The following SOCS5 variants were observed in gnomAD, a reference collection of about 807,000 sequenced individuals.
The protein encoded by SOCS5 is CIS-6.
SOCS5 carries 32 observed loss-of-function variants against 42.8 expected under a neutral mutation model. The ratio of observed to expected loss-of-function variants is 0.75; its 90% CI spans 0.56 to 1.01. The LOEUF is 1.01. SOCS5 is among the 50% of genes least tolerant of loss of function. SOCS5 has a pLI of 0.00. For synonymous variants in SOCS5, 283 were observed against 229.6 expected (o/e 1.23, Z -2.10); for missense variants, 627 against 653.0 (o/e 0.96, Z 0.43).
chr2:46,753,068 C>A (rs943189489), intron 1 of SOCS5, among the ~76,000 whole-genome samples: 13 of 152,184 alleles, frequency 8.5e-5, no homozygotes, highest in Non-Finnish European at 5.9e-5. Flanking sequence ...ATGAGGCTTA[C>A]CTCTCCAACT....
intron 1 of SOCS5, among the ~76,000 whole-genome samples, chr2:46,741,578 A>G (rs1005772175): frequency 2.6e-5 from 4 of 152,186 alleles, no homozygotes; most frequent in African/African-American, 9.7e-5. Flanking sequence ...CTATCCAGAA[A>G]TAACCACAGT....
At chr2:46,707,768 G>A (rs1401864946) in intron 1 of SOCS5, among the ~76,000 whole-genome samples, 1 of 152,158 alleles carries the variant, frequency 6.6e-6, no homozygotes. Context: ...AAATACAAAT[G>A]CTCCTCGACT....
intron 1 of SOCS5, among the ~76,000 whole-genome samples, chr2:46,718,738 G>C (rs1672809544): frequency 6.6e-6 from 1 of 152,142 alleles, no homozygotes. Context: ...TAAGAAATAA[G>C]ATTACAGAAA....
At chr2:46,757,545 C>A (rs1333969769) in intron 1 of SOCS5, among the ~76,000 whole-genome samples, 1 of 152,122 alleles carries the variant, frequency 6.6e-6, no homozygotes, top group Admixed American at 6.5e-5. Context: ...CCCAACTCTT[C>A]CAGGATTAAA....
intron 1 of SOCS5, among the ~76,000 whole-genome samples, chr2:46,743,303 G>A (rs1227369074): frequency 6.6e-6 from 1 of 152,128 alleles, no homozygotes; most frequent in Non-Finnish European, 1.5e-5. Context: ...TAAAAGAATG[G>A]CTCTTCCATA....
chr2:46,709,380 T>G (rs1672564802), intron 1 of SOCS5, among the ~76,000 whole-genome samples: 1 of 152,186 alleles, frequency 6.6e-6, no homozygotes, highest in Non-Finnish European at 1.5e-5. Flanking sequence ...GTGTCCAATT[T>G]CAGTAAAATA....
chr2:46,713,731 T>G (rs1223724094), intron 1 of SOCS5, among the ~76,000 whole-genome samples: 2 of 152,204 alleles, frequency 1.3e-5, no homozygotes, highest in Non-Finnish European at 2.9e-5. Context: ...TAGTTTTAAG[T>G]GAAAGCTTAG....
At chr2:46,715,775 T>C (rs556683562) in intron 1 of SOCS5, among the ~76,000 whole-genome samples, 1 of 152,326 alleles carries the variant, frequency 6.6e-6, no homozygotes, top group Non-Finnish European at 1.5e-5. Flanking sequence ...TGTTGAGCCT[T>C]TGTGTGGCTT....
At chr2:46,732,268 C>G (rs139658694) in intron 1 of SOCS5, among the ~76,000 whole-genome samples, 1 of 152,148 alleles carries the variant, frequency 6.6e-6, no homozygotes, top group Non-Finnish European at 1.5e-5. Context: ...ATTCCGAGAG[C>G]ACACCACTGG....
chr2:46,715,288 CTTG>C, intron 1 of SOCS5, among the ~76,000 whole-genome samples: 1 of 151,140 alleles, frequency 6.6e-6, no homozygotes, highest in Non-Finnish European at 1.5e-5. Context: ...GGAGGTATTG[CTTG>C]AGCCTGGGCT....
chr2:46,707,785 G>C (rs1269569905), intron 1 of SOCS5, among the ~76,000 whole-genome samples: 1 of 152,120 alleles, frequency 6.6e-6, no homozygotes, highest in Non-Finnish European at 1.5e-5. Context: ...GACTTACAAT[G>C]GGGTTAGTCC....
rs1558415534 is a variant in SOCS5, at chr2:46,759,955, A to G, written c.1425A>G (p.Ser475=). 1.9e-6 allele frequency: 3 copies of G among 1,614,058 alleles called. No homozygotes were observed. Among genetic ancestry groups the G allele is most frequent in the Non-Finnish European group, 2.5e-6 (3 of 1,179,994 alleles). The change falls in exon 2 of 2, where the codon TCA becomes TCG. Residue 475 remains serine (S), a synonymous_variant. Transcript: ENST00000394861. ...CMFFEPLLTI[S]LNRTFPFSLQ... ...TTTTTGAACCATTGCTTACTATATC[A>G]CTAAATAGGACTTTCCCTTTTAGCC... is the stretch of plus-strand genomic sequence containing the variant.
chr2:46,735,060 G>A (rs972323038), intron 1 of SOCS5, among the ~76,000 whole-genome samples: 2 of 152,136 alleles, frequency 1.3e-5, no homozygotes, highest in African/African-American at 2.4e-5. Context: ...CCTTTTCTGC[G>A]AAGCCTTTCC....
At chr2:46,711,423 ATCCTTAGTGATATG>A (rs1461544447) in intron 1 of SOCS5, among the ~76,000 whole-genome samples, 1 of 152,202 alleles carries the variant, frequency 6.6e-6, no homozygotes, top group Non-Finnish European at 1.5e-5. Flanking sequence ...TTTGCATATC[ATCCTTAGTGATATG>A]TCTGTTCAAG....
At chr2:46,739,160 C>G (rs990630565) in intron 1 of SOCS5, among the ~76,000 whole-genome samples, 3 of 152,046 alleles carry the variant, frequency 2.0e-5, no homozygotes, top group Non-Finnish European at 4.4e-5. Flanking sequence ...CAGAATGGCT[C>G]TTTTTGTTAA....
intron 1 of SOCS5, among the ~76,000 whole-genome samples, chr2:46,702,183 A>G (rs1672360390): frequency 6.6e-6 from 1 of 152,038 alleles, no homozygotes; most frequent in Non-Finnish European, 1.5e-5. Flanking sequence ...AATATTAGAC[A>G]TTATTCTCTG....
At position 46,758,888 on chromosome 2, in the gene SOCS5, T is replaced by C. The variant is rs1673790018; in HGVS notation, c.358T>C (p.Trp120Arg). 6 of 1,613,952 alleles carry C rather than the reference T, an allele frequency of 3.7e-6. No individual in the cohort carries two copies. Among genetic ancestry groups the C allele is most frequent in the Non-Finnish European group, 5.1e-6 (6 of 1,179,854 alleles). ...AGATTCCTACTCTCGACATGCTCCATGGGGTGGGAAGAAAAAACATTCCTG... is the reference window on the plus strand; with the variant it reads ...AGATTCCTACTCTCGACATGCTCCACGGGGTGGGAAGAAAAAACATTCCTG... ...RRDSYSRHAP[W>R]GGKKKHSCST... Residue 120 changes from tryptophan to arginine, a missense_variant, in exon 2 of 2, where the codon TGG becomes CGG. Around this residue, in one of 3 missense-constraint regions of SOCS5, gnomAD observed 278 missense variants for 246.3 expected, o/e 1.13. Coordinates refer to ENST00000394861, the MANE Select transcript of SOCS5 (RefSeq NM_144949.3).
rs1175111100 is a variant in SOCS5, at chr2:46,702,266, A to G, written c.-13+2817A>G. Among the ~76,000 whole-genome samples the G allele has an allele frequency of 3.3e-5, 5 of 152,320 alleles. No homozygotes were observed. In the South Asian group the frequency reaches 6.2e-4, roughly 19 times the overall value. On this transcript the variant is annotated intron_variant, in intron 1 of 1. Coordinates refer to ENST00000394861, the MANE Select transcript of SOCS5 (RefSeq NM_144949.3). ...GCTGTACACGCACTTTCAAGTTACA[A>G]AAATTCCTAGAAAAATGCACGATCA...
chr2:46,714,394 G>A (rs1672693474), intron 1 of SOCS5, among the ~76,000 whole-genome samples: 1 of 152,178 alleles, frequency 6.6e-6, no homozygotes, highest in African/African-American at 2.4e-5. Context: ...TCATGAAATG[G>A]TCCCCTTTAT....
Sources: allele counts gnomAD v4.1 joint callset (sites outside exome capture counted in the v4.1 genomes callset), GRCh38; gene constraint gnomAD v4.1.1; regional missense constraint gnomAD v4.1.1; transcripts MANE v1.5; gene names NCBI Gene and HGNC (gene_info 2026-07-23, HGNC 2026-07-21).